The following SNX25 variants were observed in gnomAD, a reference collection of about 807,000 sequenced individuals.
SNX25 encodes the protein sorting nexin 25.
A neutral mutation model predicts 113.7 loss-of-function variants in SNX25; 62 were observed. That is an observed-to-expected ratio of 0.55 (90% confidence interval 0.44 to 0.67). SNX25 has a LOEUF of 0.67. SNX25 is among the 30% of genes least tolerant of loss of function. The pLI, the probability that SNX25 is intolerant of heterozygous loss-of-function variation, is 0.00. For missense variants in SNX25, 1,014 were observed against 1,161.0 expected, an observed-to-expected ratio of 0.87 and a Z score of 1.84; for synonymous variants, 421 against 436.2, an observed-to-expected ratio of 0.97 and a Z score of 0.43.
chr4:185,257,713 T>C (rs114042640), intron 2 of SNX25, among the ~76,000 whole-genome samples: 504 of 152,268 alleles, frequency 3.3e-3, no homozygotes, highest in African/African-American at 0.011. Flanking sequence ...TAATGTGTCT[T>C]CTAGAAAACT....
chr4:185,333,824 G>T (rs899847567), intron 10 of SNX25, among the ~76,000 whole-genome samples: 3 of 151,850 alleles, frequency 2.0e-5, no homozygotes. Flanking sequence ...TGGGTGGATC[G>T]CTTGAGCCCA....
At chr4:185,355,795 CA>C (rs1392569177) in intron 15 of SNX25, among the ~76,000 whole-genome samples, 1 of 152,156 alleles carries the variant, frequency 6.6e-6, no homozygotes, top group African/African-American at 2.4e-5. Flanking sequence ...AAATGTGGCC[CA>C]TTAAATCATG....
chr4:185,340,928 G>A (rs1561032704), intron 11 of SNX25, among the ~76,000 whole-genome samples: 1 of 152,184 alleles, frequency 6.6e-6, no homozygotes, highest in Non-Finnish European at 1.5e-5. Context: ...GGACGTGCCT[G>A]TATTCTGTGC....
At chr4:185,264,381 A>T in intron 3 of SNX25, 57 bp from the exon 4 acceptor site, 2 of 1,511,914 alleles carry the variant, frequency 1.3e-6, no homozygotes, top group Non-Finnish European at 1.8e-6. Context: ...ACCTAATAGT[A>T]CATAATTGAA....
intron 10 of SNX25, among the ~76,000 whole-genome samples, chr4:185,333,334 G>C (rs140625502): frequency 4.4e-4 from 67 of 152,336 alleles, no homozygotes; most frequent in African/African-American, 1.6e-3. Context: ...TGATCTGCCA[G>C]ATTGGTCTCT....
At chr4:185,242,811 G>A (rs528671190) in intron 1 of SNX25, among the ~76,000 whole-genome samples, 2 of 152,182 alleles carry the variant, frequency 1.3e-5, no homozygotes, top group Admixed American at 6.5e-5. Flanking sequence ...CCCGAGGCCC[G>A]ACACACCCAA....
At chr4:185,346,961 C>T (rs905343804) in intron 13 of SNX25, among the ~76,000 whole-genome samples, 13 of 152,158 alleles carry the variant, frequency 8.5e-5, no homozygotes, top group African/African-American at 2.4e-4. Context: ...ACTGCTGTCC[C>T]GACTTCCAGC....
intron 12 of SNX25, among the ~76,000 whole-genome samples, chr4:185,345,975 A>T (rs948181869): frequency 6.6e-6 from 1 of 152,000 alleles, no homozygotes; most frequent in African/African-American, 2.4e-5. Context: ...CTCCTGCCTC[A>T]GCCTCCCCAG....
downstream of SNX25, among the ~76,000 whole-genome samples, chr4:185,368,528 G>A (rs1194830426): frequency 6.6e-6 from 1 of 152,156 alleles, no homozygotes; most frequent in Non-Finnish European, 1.5e-5. Context: ...CCGCTGTCGG[G>A]ACACCTTGTG....
chr4:185,341,516 C>G (rs1319025661), intron 11 of SNX25, among the ~76,000 whole-genome samples: 1 of 152,204 alleles, frequency 6.6e-6, no homozygotes, highest in Non-Finnish European at 1.5e-5. Flanking sequence ...GGTCTGGAGT[C>G]CAGCACAGGA....
chr4:185,349,207 T>C (rs1408657514), intron 13 of SNX25, among the ~76,000 whole-genome samples: 1 of 152,168 alleles, frequency 6.6e-6, no homozygotes, highest in Non-Finnish European at 1.5e-5. Context: ...ATTCTCATAA[T>C]GTTTTAAGAA....
intron 7 of SNX25, among the ~76,000 whole-genome samples, chr4:185,316,784 C>T (rs1173775622): frequency 1.3e-5 from 2 of 152,140 alleles, no homozygotes; most frequent in South Asian, 2.1e-4. Flanking sequence ...GAGTTGTTGG[C>T]CCATCTTCCC....
intron 5 of SNX25, among the ~76,000 whole-genome samples, chr4:185,282,993 A>G: frequency 6.6e-6 from 1 of 152,230 alleles, no homozygotes; most frequent in East Asian, 1.9e-4. Context: ...TTGTTGAGAA[A>G]AAAACAAGAA....
intron 6 of SNX25, among the ~76,000 whole-genome samples, chr4:185,290,412 T>C (rs1418200800): frequency 2.6e-5 from 4 of 152,324 alleles, no homozygotes; most frequent in Admixed American, 1.3e-4. Context: ...CTAAGCACTC[T>C]TGGGGCCTTG....
chr4:185,261,178 T>A (rs898521353), intron 3 of SNX25, among the ~76,000 whole-genome samples: 1 of 151,098 alleles, frequency 6.6e-6, no homozygotes, highest in Non-Finnish European at 1.5e-5. Context: ...ATATAATTTT[T>A]TATTTTTATT....
chr4:185,378,123 C>T, the SNX25 span: 1 of 1,613,860 alleles, frequency 6.2e-7, no homozygotes, highest in Non-Finnish European at 8.5e-7. Flanking sequence ...TGGTTTTTAG[C>T]AGCATACTGA....
intron 1 of SNX25, among the ~76,000 whole-genome samples, chr4:185,238,151 CT>C (rs1742953569): frequency 6.6e-6 from 1 of 151,892 alleles, no homozygotes; most frequent in Non-Finnish European, 1.5e-5. Flanking sequence ...TGTCAGGCCC[CT>C]ATCATCTTTT....
At chr4:185,370,695 T>C, downstream of SNX25, 1 of 1,614,046 alleles carries the variant, frequency 6.2e-7, no homozygotes, top group Non-Finnish European at 8.5e-7. Flanking sequence ...CAAGCCAAGC[T>C]GAAGACACCT....
At chr4:185,222,276 C>G (rs112581433) in intron 1 of SNX25, among the ~76,000 whole-genome samples, 21 of 21,698 alleles carry the variant, frequency 9.7e-4, no homozygotes, top group South Asian at 8.3e-3. Flanking sequence ...TATACCCCTC[C>G]TTCGCGGTAG....
Sources: gnomAD v4.1 joint callset for allele counts (sites outside exome capture counted in the v4.1 genomes callset) on GRCh38, gnomAD v4.1.1 for gene constraint, MANE v1.5 for transcripts, NCBI Gene and HGNC (gene_info 2026-07-23, HGNC 2026-07-21) for gene names.